PNCK: variants seen among roughly 807,000 people sequenced by gnomAD.
PNCK encodes pregnancy up-regulated nonubiquitous CaM kinase.
In PNCK, 21 loss-of-function variants were observed where a neutral mutation model predicts 28.3. The ratio of observed to expected loss-of-function variants is 0.74; its 90% confidence interval spans 0.53 to 1.07. The LOEUF (loss-of-function observed/expected upper bound fraction) is 1.07. Among genes scored for constraint, PNCK ranks in the 50% least tolerant of loss-of-function variants. PNCK has a pLI of 0.00. For synonymous variants in PNCK, 136 were observed against 125.2 expected (o/e 1.09, Z -0.58); for missense variants, 250 against 298.3 (o/e 0.84, Z 1.19).
chrX:153,680,304 G>C (rs2091389622), intron 1 of PNCK, among the ~76,000 whole-genome samples: 1 of 105,592 alleles, frequency 9.5e-6, no homozygotes, highest in African/African-American at 3.5e-5. Context: ...TCACAATAAT[G>C]AGTGAGTTCT....
At chrX:153,671,244 G>A (rs1557039699) in intron 7 of PNCK, 41 bp downstream of exon 7, 3 of 1,207,797 alleles carry the variant, frequency 2.5e-6, no homozygotes, top group Non-Finnish European at 3.4e-6. Flanking sequence ...ACCCAGCAGG[G>A]GCAGGCAGGC....
chrX:153,673,261 G>A, intron 1 of PNCK, 183 bp from the exon 2 acceptor site: 1 of 1,192,756 alleles, frequency 8.4e-7, no homozygotes, highest in Non-Finnish European at 1.1e-6. Context: ...CCGCATACAC[G>A]CCTCCACATC....
intron 6 of PNCK, 49 bp downstream of exon 6, chrX:153,671,500 T>C (rs201274962): frequency 1.7e-6 from 2 of 1,209,043 alleles, no homozygotes; most frequent in South Asian, 1.8e-5. Flanking sequence ...CTGTCTAGGG[T>C]CCCCCAGGCC....
chrX:153,673,631 G>C, intron 1 of PNCK, 149 bp downstream of exon 1: 1 of 310,155 alleles, frequency 3.2e-6, no homozygotes, highest in Non-Finnish European at 4.4e-6. Flanking sequence ...GGCCGCCCGC[G>C]TCCCGAGCTG....
chrX:153,670,193 C>T (rs1157485002), intron 11 of PNCK, 63 bp from the exon 12 acceptor site: 5 of 421,824 alleles, frequency 1.2e-5, no homozygotes, highest in Middle Eastern at 6.7e-4. Context: ...CCTGTGCCCC[C>T]ACCCCCCGCC....
Position 153,671,172 on chromosome X carries a change from G to C in PNCK, c.633C>G (p.Pro211=). The C allele has an allele frequency of 8.3e-7, 1 of 1,211,670 alleles. No individual in the cohort carries two copies. The highest frequency in any genetic ancestry group is 1.1e-6 in the Non-Finnish European group (1 of 895,427). ...GCTCAGGGTCGCTCTCGTCGTAGAA[G>C]GGGGGGTACCCACACAGCCTGGCAC... is the stretch of plus-strand genomic sequence containing the variant. ...ISYILLCGYP[P]FYDESDPELF... The change falls in exon 8 of 12, where the codon CCC becomes CCG. Residue 211 remains proline, a synonymous_variant. Coordinates refer to ENST00000340888, the MANE Select transcript of PNCK (RefSeq NM_001366977.1).
chrX:153,677,880 GTACATA>G (rs1215353271), upstream of PNCK, among the ~76,000 whole-genome samples: 1 of 103,781 alleles, frequency 9.6e-6, no homozygotes, highest in Admixed American at 1.1e-4. Context: ...ACTAACCCAT[GTACATA>G]TAGATAGATA....
intron 11 of PNCK, 99 bp from the exon 12 acceptor site, chrX:153,670,229 G>T: frequency 2.1e-6 from 1 of 471,701 alleles, no homozygotes; most frequent in Non-Finnish European, 3.5e-6. Context: ...ACTTCTTAGA[G>T]GCCCTCTCCC....
At chrX:153,672,927 T>TCA in intron 2 of PNCK, 82 bp downstream of exon 2, 1 of 1,062,352 alleles carries the variant, frequency 9.4e-7, no homozygotes, top group East Asian at 3.3e-5. Context: ...ACTCGCGTAG[T>TCA]CACACACACA....
chrX:153,673,964 C>G (rs782495702), upstream of PNCK: 8 of 1,081,423 alleles, frequency 7.4e-6, no homozygotes, highest in Middle Eastern at 3.6e-4. Flanking sequence ...GCTCGGGTGC[C>G]GGCCGCCACC....
At chrX:153,685,958 A>C (rs1557043101) in intron 1 of PNCK, among the ~76,000 whole-genome samples, 1 of 112,197 alleles carries the variant, frequency 8.9e-6, no homozygotes, top group African/African-American at 3.2e-5. Flanking sequence ...GGGTGTGGGA[A>C]GGGGTGGCTG....
At chrX:153,670,651 T>G in intron 10 of PNCK, 57 bp from the exon 11 acceptor site, 2 of 1,194,279 alleles carry the variant, frequency 1.7e-6, no homozygotes, top group Non-Finnish European at 2.3e-6. Context: ...GCCCCTAGAC[T>G]GTGAGGACTG....
intron 1 of PNCK, chrX:153,673,546 A>C: frequency 2.9e-6 from 1 of 345,124 alleles, no homozygotes. Flanking sequence ...CCACCTGCCA[A>C]GACCGCGGCC....
intron 1 of PNCK, among the ~76,000 whole-genome samples, chrX:153,680,741 C>T (rs1557042351): frequency 9.3e-6 from 1 of 107,876 alleles, no homozygotes; most frequent in Non-Finnish European, 1.9e-5. Flanking sequence ...AAAAACCTAG[C>T]CTTCAGGGCT....
Position 153,671,419 on chromosome X carries a change from T to C in PNCK, c.539-59A>G, listed in dbSNP as rs782475350. 8.8e-5 allele frequency: 106 copies of C among 1,209,989 alleles called. No homozygotes were observed. The South Asian group carries it at 1.5e-3, about 18-fold the overall frequency. On this transcript the variant is annotated intron_variant, in intron 6 of 11. Transcript: ENST00000340888. ...GCACACACGCAGCCATGCCGCTCAG[T>C]GTCACTGGCTCGGCCTACTCAAGCC...
At chrX:153,673,864 G>A, upstream of PNCK, 1 of 789,512 alleles carries the variant, frequency 1.3e-6, no homozygotes, top group Non-Finnish European at 1.5e-6. Context: ...CGCCCCCTCC[G>A]CGCACGCCCC....
chrX:153,671,812 C>T (rs2091304433), intron 5 of PNCK, 68 bp downstream of exon 5: 1 of 1,185,120 alleles, frequency 8.4e-7, no homozygotes, highest in South Asian at 1.9e-5. Flanking sequence ...AGCCGTGCTC[C>T]CGGGAAAACA....
At chrX:153,674,230 C>T (rs1304779968), upstream of PNCK, 7 of 1,160,557 alleles carry the variant, frequency 6.0e-6, no homozygotes, top group South Asian at 1.2e-4. Flanking sequence ...CCTGGGCTCC[C>T]GGCACTCACT....
chrX:153,673,112 TC>T, intron 1 of PNCK, 34 bp from the exon 2 acceptor site: 1 of 1,145,148 alleles, frequency 8.7e-7, no homozygotes, highest in East Asian at 3.2e-5. Context: ...TGGGGGTCTC[TC>T]CCCGCCCCGC....
Sources: gnomAD v4.1 joint callset for allele counts (sites outside exome capture counted in the v4.1 genomes callset) on GRCh38, gnomAD v4.1.1 for gene constraint, MANE v1.5 for transcripts, NCBI Gene and HGNC (gene_info 2026-07-23, HGNC 2026-07-21) for gene names.